The following CSMD3 variants were observed in gnomAD, a reference collection of about 807,000 sequenced individuals.
CSMD3 encodes CUB and Sushi multiple domains 3.
A neutral mutation model predicts 435.2 loss-of-function variants in CSMD3; 177 were observed. The observed-to-expected ratio is 0.41, with a 90% CI of 0.36 to 0.46. CSMD3 has a LOEUF of 0.46. CSMD3 is among the 20% of genes least tolerant of loss of function. The pLI is 0.34. For missense variants in CSMD3, 4,265 were observed against 4,504.6 expected, an observed-to-expected ratio of 0.95 and a Z score of 1.52; for synonymous variants, 1,656 against 1,520.5, an observed-to-expected ratio of 1.09 and a Z score of -2.07.
intron 13 of CSMD3, among the ~76,000 whole-genome samples, chr8:112,752,261 T>G (rs2077587236): frequency 6.6e-6 from 1 of 152,176 alleles, no homozygotes. Context: ...CTAAGCCTCT[T>G]TACTAACTTC....
intron 32 of CSMD3, among the ~76,000 whole-genome samples, chr8:112,456,579 A>C (rs1816862230): frequency 6.6e-6 from 1 of 152,130 alleles, no homozygotes; most frequent in South Asian, 2.1e-4. Context: ...TATTTCTTAA[A>C]ATTAACCAAC....
intron 11 of CSMD3, among the ~76,000 whole-genome samples, chr8:112,845,200 C>T (rs1394867432): frequency 6.6e-6 from 1 of 152,038 alleles, no homozygotes; most frequent in Non-Finnish European, 1.5e-5. Flanking sequence ...TTGAAAAACT[C>T]CCACATGACA....
At chr8:113,425,564 A>T (rs1423876901) in intron 1 of CSMD3, among the ~76,000 whole-genome samples, 3 of 151,440 alleles carry the variant, frequency 2.0e-5, no homozygotes, top group African/African-American at 4.8e-5. Context: ...GTCATTTCTG[A>T]TATCTACTTG....
At chr8:112,725,231 GA>G (rs1404368460) in intron 13 of CSMD3, among the ~76,000 whole-genome samples, 1 of 151,816 alleles carries the variant, frequency 6.6e-6, no homozygotes, top group Non-Finnish European at 1.5e-5. Context: ...TGACTAAACA[GA>G]AAAAAGAAGG....
chr8:113,279,978 A>G (rs2093601437), intron 2 of CSMD3, among the ~76,000 whole-genome samples: 1 of 151,730 alleles, frequency 6.6e-6, no homozygotes, highest in African/African-American at 2.4e-5. Flanking sequence ...TTATTGACTT[A>G]CGTATGTTAA....
intron 5 of CSMD3, among the ~76,000 whole-genome samples, chr8:113,088,391 C>G (rs1381349662): frequency 6.7e-6 from 1 of 149,406 alleles, no homozygotes; most frequent in Non-Finnish European, 1.5e-5. Context: ...AATCATGTTG[C>G]TATAAAGACA....
At chr8:112,829,361 G>C (rs901740397) in intron 12 of CSMD3, among the ~76,000 whole-genome samples, 1 of 152,134 alleles carries the variant, frequency 6.6e-6, no homozygotes, top group African/African-American at 2.4e-5. Context: ...GGTTAGATGA[G>C]CAGGCCCTCA....
chr8:112,326,253 C>T (rs1248183770), intron 45 of CSMD3, among the ~76,000 whole-genome samples: 5 of 152,134 alleles, frequency 3.3e-5, no homozygotes, highest in African/African-American at 1.2e-4. Context: ...TGCAGCTCTG[C>T]TTCTCTTTCT....
intron 1 of CSMD3, among the ~76,000 whole-genome samples, chr8:113,431,520 C>T (rs1358720543): frequency 1.3e-5 from 2 of 152,150 alleles, no homozygotes; most frequent in African/African-American, 4.8e-5. Context: ...CAGGCGTATG[C>T]TTGGTGCTTT....
intron 11 of CSMD3, among the ~76,000 whole-genome samples, chr8:112,847,930 A>G (rs1243356823): frequency 6.6e-6 from 1 of 152,168 alleles, no homozygotes; most frequent in African/African-American, 2.4e-5. Flanking sequence ...GAATGTACAA[A>G]GGTAATATTT....
intron 38 of CSMD3, among the ~76,000 whole-genome samples, chr8:112,359,009 G>A (rs1586869756): frequency 6.6e-6 from 1 of 152,148 alleles, no homozygotes; most frequent in Middle Eastern, 3.4e-3. Context: ...TTCATTGAAA[G>A]CCTTAACAAA....
At chr8:112,900,665 C>A (rs997816744) in intron 10 of CSMD3, among the ~76,000 whole-genome samples, 3 of 151,170 alleles carry the variant, frequency 2.0e-5, no homozygotes, top group South Asian at 4.2e-4. Context: ...AAATATCAGA[C>A]ACTTTATAGT....
chr8:112,644,915 T>G (rs1461846884), intron 20 of CSMD3, among the ~76,000 whole-genome samples, 194 bp downstream of exon 20: 1 of 152,110 alleles, frequency 6.6e-6, no homozygotes, highest in Admixed American at 6.6e-5. Flanking sequence ...GGTAAAAACA[T>G]GAGCACAATA....
At chr8:112,257,655 T>C (rs1815936834) in intron 61 of CSMD3, among the ~76,000 whole-genome samples, 2 of 152,146 alleles carry the variant, frequency 1.3e-5, no homozygotes, top group South Asian at 4.1e-4. Context: ...TGGAAAAACA[T>C]TTCATGCTCA....
At chr8:112,802,914 G>A (rs1047629541) in intron 12 of CSMD3, among the ~76,000 whole-genome samples, 3 of 151,816 alleles carry the variant, frequency 2.0e-5, no homozygotes, top group African/African-American at 7.3e-5. Context: ...ATCCCATCAG[G>A]ATTACAATTA....
At chr8:112,590,318 A>G (rs1831075471) in intron 22 of CSMD3, among the ~76,000 whole-genome samples, 2 of 152,136 alleles carry the variant, frequency 1.3e-5, no homozygotes, top group Non-Finnish European at 1.5e-5. Context: ...CTGAATAGCC[A>G]GGAAAGACTC....
chr8:112,486,021 G>C (rs1395062032), intron 31 of CSMD3, among the ~76,000 whole-genome samples: 1 of 150,238 alleles, frequency 6.7e-6, no homozygotes, highest in Non-Finnish European at 1.5e-5. Flanking sequence ...AGCTAGCGCT[G>C]GCTAAGTATA....
intron 60 of CSMD3, 40 bp downstream of exon 60, chr8:112,265,371 T>C (rs1481285075): frequency 6.8e-7 from 1 of 1,459,856 alleles, no homozygotes; most frequent in Non-Finnish European, 9.6e-7. Context: ...AAATATGTAC[T>C]GGTTACCATT....
chr8:112,251,322 AAAAT>A (rs1815237323), intron 63 of CSMD3, among the ~76,000 whole-genome samples: 1 of 151,808 alleles, frequency 6.6e-6, no homozygotes, highest in East Asian at 1.9e-4. Flanking sequence ...TATGTAAATT[AAAAT>A]AAATAAAATT....
Sources: gnomAD v4.1 joint callset for allele counts (sites outside exome capture counted in the v4.1 genomes callset) on GRCh38, gnomAD v4.1.1 for gene constraint, MANE v1.5 for transcripts, NCBI Gene and HGNC (gene_info 2026-07-23, HGNC 2026-07-21) for gene names.